The following PRIM1 variants were observed in gnomAD, a reference collection of about 807,000 sequenced individuals.
The protein encoded by PRIM1 is DNA primase subunit 1, also known as DNA primase small subunit.
Under a neutral mutation model 60.2 loss-of-function variants are expected in PRIM1, and 38 were observed. That is an observed-to-expected ratio of 0.63 (90% confidence interval 0.49 to 0.83). PRIM1 has a LOEUF of 0.83. Among genes scored for constraint, PRIM1 ranks in the 40% least tolerant of loss-of-function variants. PRIM1 has a pLI of 0.00. For synonymous variants in PRIM1, 158 were observed against 160.2 expected, an observed-to-expected ratio of 0.99 and a Z score of 0.10; for missense variants, 388 against 506.2, an observed-to-expected ratio of 0.77 and a Z score of 2.24.
At chr12:56,749,695 T>C (rs1322739780) in intron 2 of PRIM1, among the ~76,000 whole-genome samples, 2 of 152,214 alleles carry the variant, frequency 1.3e-5, no homozygotes, top group East Asian at 3.8e-4. Context: ...AGAAATTGTG[T>C]GTGAGCTTGT....
chr12:56,731,848 GATTTGCTTACAC>G (rs1295704190), intron 12 of PRIM1, 114 bp from the exon 13 acceptor site: 1 of 819,906 alleles, frequency 1.2e-6, no homozygotes, highest in African/African-American at 1.8e-5. Flanking sequence ...CATGCACAAA[GATTTGCTTACAC>G]ATTTGCTGAA....
chr12:56,752,051 GT>G (rs1411499807), intron 1 of PRIM1, 144 bp downstream of exon 1: 9 of 387,718 alleles, frequency 2.3e-5, no homozygotes, highest in Non-Finnish European at 4.4e-5. Flanking sequence ...CACCTATGAA[GT>G]GGTGGGGCGG....
rs778002710 is a variant in PRIM1 at position 56,746,946 on chromosome 12, G to A, written c.348C>T (p.Asp116=). The A allele has an allele frequency of 1.2e-5, 20 of 1,613,522 alleles. No homozygotes were observed. The highest frequency in any genetic ancestry group is 7.7e-5 in the South Asian group (7 of 91,054). The change falls in exon 3 of 13, where the codon GAC becomes GAT. Residue 116 remains aspartate, a synonymous_variant. Transcript: ENST00000338193. ...LVFDIDMTDY[D]DVRRCCSSAD... is the part of the protein sequence containing the mutation. ...CTCACCTACAACATCTCCTCACATC[G>A]TCATAGTCTGTCATGTCAATGTCAA...
At chr12:56,737,186 C>T (rs1953839180) in intron 11 of PRIM1, among the ~76,000 whole-genome samples, 1 of 152,102 alleles carries the variant, frequency 6.6e-6, no homozygotes, top group South Asian at 2.1e-4. Flanking sequence ...AGGTTGCGCA[C>T]TCCTTATCAG....
At chr12:56,750,979 C>G in intron 2 of PRIM1, 59 bp downstream of exon 2, 1 of 1,170,092 alleles carries the variant, frequency 8.5e-7, no homozygotes, top group Admixed American at 3.7e-5. Context: ...CAAGAGGAAT[C>G]AACCCATTCT....
intron 9 of PRIM1, 38 bp from the exon 10 acceptor site, chr12:56,739,401 C>CTATA: frequency 1.4e-6 from 2 of 1,383,598 alleles, no homozygotes; most frequent in South Asian, 1.4e-5. Context: ...TGATTGTGGA[C>CTATA]TATAAATCAT....
Position 56,746,798 on chromosome 12 carries a change from A to G in PRIM1, c.425T>C (p.Ile142Thr). Residue 142 changes from isoleucine (I) to threonine (T), a missense_variant, in exon 4 of 13, where the codon ATT (isoleucine) becomes ACT (threonine). Ile to Thr is a moderately conservative substitution (Grantham distance 89, BLOSUM62 -1). This residue lies in a region of PRIM1 where 21 missense variants were observed against 52.5 expected (regional missense o/e 0.40). Transcript: ENST00000338193. The stretch of plus-strand genomic sequence containing the variant: ...ATACTTGCCCTTCAATGCTCTGTCA[A>G]TGATGCGTATGGCCATTGTCATGAG... ...WTLMTMAIRI[I>T]DRALKEDFGF... 3 of 1,613,956 alleles carry G rather than the reference A, an allele frequency of 1.9e-6. No homozygotes were observed. Among genetic ancestry groups the G allele is most frequent in the South Asian group, 1.1e-5 (1 of 91,070 alleles).
At chr12:56,750,621 G>A (rs1485054773) in intron 2 of PRIM1, among the ~76,000 whole-genome samples, 4 of 141,596 alleles carry the variant, frequency 2.8e-5, no homozygotes, top group South Asian at 2.2e-4. Context: ...GCCAAGTCTC[G>A]CTCTGTCGCC....
intron 1 of PRIM1, 124 bp from the exon 2 acceptor site, chr12:56,751,319 GC>G: frequency 1.5e-6 from 1 of 673,306 alleles, no homozygotes; most frequent in Non-Finnish European, 2.3e-6. Context: ...CTGCTCTGTC[GC>G]CCAGACTGGA....
chr12:56,744,841 C>T (rs979656218), intron 5 of PRIM1, among the ~76,000 whole-genome samples: 2 of 152,094 alleles, frequency 1.3e-5, no homozygotes, highest in Non-Finnish European at 2.9e-5. Flanking sequence ...CTTGTAATCC[C>T]AGCACTTTGA....
intron 11 of PRIM1, among the ~76,000 whole-genome samples, chr12:56,737,835 C>T (rs1953844250): frequency 6.6e-6 from 1 of 152,182 alleles, no homozygotes. Flanking sequence ...AGCGATTCTC[C>T]TGACTCAGCT....
chr12:56,751,278 T>A (rs1357596011), intron 1 of PRIM1, 83 bp from the exon 2 acceptor site: 1 of 1,049,922 alleles, frequency 9.5e-7, no homozygotes, highest in Non-Finnish European at 1.3e-6. Context: ...TGAGAAGTTT[T>A]TTTTTTCGGT....
chr12:56,747,219 A>T (rs768383733), intron 2 of PRIM1, among the ~76,000 whole-genome samples, 187 bp from the exon 3 acceptor site: 8 of 152,228 alleles, frequency 5.3e-5, no homozygotes, highest in Non-Finnish European at 1.2e-4. Flanking sequence ...CTTAACTTTC[A>T]CCAACTTAAA....
At chr12:56,734,826 T>C (rs1435292665) in intron 11 of PRIM1, among the ~76,000 whole-genome samples, 3 of 145,778 alleles carry the variant, frequency 2.1e-5, no homozygotes, top group Middle Eastern at 3.3e-3. Flanking sequence ...TTTTTTTTTT[T>C]TTTGAGACAG....
In PRIM1 at chr12:56,746,192, G is replaced by A. The variant is rs755330963; in HGVS notation, c.443-11C>T. The A allele has an allele frequency of 1.2e-6, 2 of 1,606,404 alleles. No individual in the cohort carries two copies. Among genetic ancestry groups the A allele is most frequent in the South Asian group, 2.2e-5 (2 of 89,794 alleles). ...TAAATCCAAAGTCCTCTGAGGAAGAGAGAAATAATAGGTTTTAAAACAAAT... is the reference window on the plus strand; with the variant it reads ...TAAATCCAAAGTCCTCTGAGGAAGAAAGAAATAATAGGTTTTAAAACAAAT... On this transcript the variant is annotated splice_polypyrimidine_tract_variant and intron_variant, in intron 4 of 12. Transcript: ENST00000338193.
At position 56,743,089 on chromosome 12, in the gene PRIM1, T is replaced by C. The variant is rs867948705; in HGVS notation, c.646A>G (p.Ile216Val). 3 of 1,520,514 alleles carry C rather than the reference T, an allele frequency of 2.0e-6. No individual in the cohort carries two copies. The highest frequency in any genetic ancestry group is 2.5e-5 in the East Asian group (1 of 39,448). The allele number at this position is 1,520,514 out of a possible 1,614,324, so 94.2% of individuals were successfully genotyped here. A position where few individuals can be genotyped will look rare whatever the true frequency, so the allele number is the denominator to read the frequency against. Residue 216 changes from isoleucine to valine, a missense_variant, in exon 7 of 13, where the codon ATA becomes GTA. Coordinates refer to ENST00000338193, the MANE Select transcript of PRIM1 (RefSeq NM_000946.3). ...EKIHPFIRKS[I>V]NIIKKYFEEY... is the part of the protein sequence containing the mutation. ...TCAAAGTATTTTTTTATTATGTTTA[T>C]AGATTTTCTGTAAGAACAACAATAA...
intron 2 of PRIM1, among the ~76,000 whole-genome samples, chr12:56,750,510 G>A (rs1224546133): frequency 6.6e-6 from 1 of 151,454 alleles, no homozygotes; most frequent in Non-Finnish European, 1.5e-5. Context: ...ATGTATATTT[G>A]ACCTCAATAA....
rs569850205 is a variant in PRIM1, at chr12:56,736,026, G to A, written c.1145-1781C>T. 4.2e-4 allele frequency among the ~76,000 whole-genome samples: 63 copies of A among 151,492 alleles called. 1 individual carries two copies. In the East Asian group the frequency reaches 0.012, roughly 29 times the overall value. ...AAAAAATTTAATATAGGCAGGGTGC[G>A]GTGGCTCATGCCTATAATCCCAGCA... On this transcript the variant is annotated intron_variant, in intron 11 of 12. Transcript: ENST00000338193.
chr12:56,745,106 C>CAA (rs769500502), intron 5 of PRIM1, among the ~76,000 whole-genome samples: 117 of 97,202 alleles, frequency 1.2e-3, no homozygotes, highest in Middle Eastern at 6.5e-3. Context: ...GACTCCGTCT[C>CAA]AAAAAAAAAA....
Sources: gnomAD v4.1 joint callset for allele counts (sites outside exome capture counted in the v4.1 genomes callset) on GRCh38, gnomAD v4.1.1 for gene constraint, gnomAD v4.1.1 regional missense constraint, MANE v1.5 for transcripts, NCBI Gene and HGNC (gene_info 2026-07-23, HGNC 2026-07-21) for gene names.